Variants in DCDC2 observed in about 807,000 individuals in gnomAD.
DCDC2 encodes the protein doublecortin domain-containing protein 2.
DCDC2 carries 40 observed loss-of-function variants against 50.2 expected under a neutral mutation model. The observed-to-expected ratio is 0.80, with a 90% CI of 0.62 to 1.04. The LOEUF (loss-of-function observed/expected upper bound fraction) is 1.04. Ranked by LOEUF, DCDC2 falls within the 50% of genes least tolerant of loss-of-function variation. DCDC2 has a pLI of 0.00. For synonymous variants in DCDC2, 234 were observed against 210.6 expected (o/e 1.11, Z -0.96); for missense variants, 570 against 581.9 (o/e 0.98, Z 0.21).
chr6:24,285,901 T>C (rs1763596368), intron 6 of DCDC2, among the ~76,000 whole-genome samples: 1 of 152,178 alleles, frequency 6.6e-6, no homozygotes, highest in South Asian at 2.1e-4. Context: ...TCTGTAATCA[T>C]TCCTCTAGCT....
chr6:24,191,596 A>G lies in DCDC2; in HGVS notation c.1024-12964T>C, dbSNP rs147835481. ...ATACAGATGTTGTTAGCCCGGTGCC[A>G]GCCAAAGAAGATTCCCTCATAGAAA... On this transcript the variant is annotated intron_variant, in intron 8 of 9. Transcript: ENST00000378454. Among the ~76,000 whole-genome samples the G allele has an allele frequency of 4.7e-4, 71 of 152,316 alleles. No individual in the cohort carries two copies. The East Asian group carries it at 0.013, about 29-fold the overall frequency.
At chr6:24,273,009 T>TACACACAC (rs60162257) in intron 7 of DCDC2, among the ~76,000 whole-genome samples, 1 of 149,364 alleles carries the variant, frequency 6.7e-6, no homozygotes, top group African/African-American at 2.5e-5. Context: ...TATAAAGACA[T>TACACACAC]ACACACACAC....
intron 7 of DCDC2, among the ~76,000 whole-genome samples, chr6:24,250,492 A>G (rs917240409): frequency 1.3e-5 from 2 of 152,234 alleles, no homozygotes; most frequent in Non-Finnish European, 2.9e-5. Context: ...GCAATGAAAA[A>G]TATGTTCTGA....
intron 2 of DCDC2, among the ~76,000 whole-genome samples, chr6:24,330,993 CAA>C (rs1759955146): frequency 1.3e-5 from 2 of 151,808 alleles, no homozygotes; most frequent in African/African-American, 4.8e-5. Context: ...AAAAAGAAGG[CAA>C]AAAAATGAAG....
intron 8 of DCDC2, among the ~76,000 whole-genome samples, 173 bp from the exon 9 acceptor site, chr6:24,178,805 CAT>C (rs1325988690): frequency 2.0e-5 from 3 of 152,290 alleles, no homozygotes; most frequent in East Asian, 1.9e-4. Flanking sequence ...CCACATGCCA[CAT>C]GTTACAAGCA....
intron 2 of DCDC2, among the ~76,000 whole-genome samples, chr6:24,349,457 G>C (rs1264999811): frequency 1.3e-5 from 2 of 152,178 alleles, no homozygotes; most frequent in Non-Finnish European, 2.9e-5. Context: ...ATTCAGTAAA[G>C]CAGAAGGGTA....
chr6:24,308,963 G>T (rs557415008), intron 2 of DCDC2, among the ~76,000 whole-genome samples: 2 of 151,988 alleles, frequency 1.3e-5, no homozygotes, highest in African/African-American at 4.8e-5. Context: ...CTTCAAACAC[G>T]GAAAATAATA....
rs1290113127 is a variant in DCDC2 at position 24,291,480 on chromosome 6, T to C, written c.558-402A>G. 7.4e-4 allele frequency among the ~76,000 whole-genome samples: 5 copies of C among 6,802 alleles called. No homozygotes were observed. The South Asian group carries it at 0.036, about 49-fold the overall frequency. The allele number at this position is 6,802 out of a possible 152,430, so 4.5% of individuals were successfully genotyped here. On this transcript the variant is annotated intron_variant, in intron 4 of 9. Transcript: ENST00000378454. The stretch of plus-strand genomic sequence containing the variant: ...TTCTATTTATATTTTGTTAATACTT[T>C]TTTTTTTTTTTTTTTTTTTTTTTGA...
intron 2 of DCDC2, among the ~76,000 whole-genome samples, chr6:24,315,613 G>T (rs1307726479): frequency 2.0e-5 from 3 of 152,074 alleles, no homozygotes; most frequent in African/African-American, 7.2e-5. Context: ...ATAACAGAGA[G>T]GGTTAGTGAT....
chr6:24,293,465 G>C (rs1561762267), intron 4 of DCDC2, among the ~76,000 whole-genome samples: 1 of 152,086 alleles, frequency 6.6e-6, no homozygotes, highest in Non-Finnish European at 1.5e-5. Flanking sequence ...TCTCATATCT[G>C]CCATTACATT....
At chr6:24,227,651 G>A (rs1762258981) in intron 7 of DCDC2, among the ~76,000 whole-genome samples, 1 of 152,092 alleles carries the variant, frequency 6.6e-6, no homozygotes, top group African/African-American at 2.4e-5. Context: ...AATTATTCCT[G>A]GCAACTCTTT....
chr6:24,322,065 GTAA>G (rs1439512664), intron 2 of DCDC2, among the ~76,000 whole-genome samples: 5 of 152,158 alleles, frequency 3.3e-5, no homozygotes, highest in African/African-American at 1.2e-4. Flanking sequence ...TAACGCTTGT[GTAA>G]TAATAACACT....
At chr6:24,358,900 A>ATATATTG (rs1561788489), upstream of DCDC2, among the ~76,000 whole-genome samples, 1 of 13,414 alleles carries the variant, frequency 7.5e-5, no homozygotes, top group African/African-American at 5.8e-4. Flanking sequence ...TATATATATA[A>ATATATTG]TATATTATAT....
chr6:24,350,997 A>G (rs1760359672), intron 2 of DCDC2, among the ~76,000 whole-genome samples: 1 of 152,154 alleles, frequency 6.6e-6, no homozygotes, highest in African/African-American at 2.4e-5. Flanking sequence ...TGGGAAAGAG[A>G]AAGGTAGTTT....
chr6:24,211,281 T>G (rs994598624), intron 7 of DCDC2, among the ~76,000 whole-genome samples: 1 of 152,194 alleles, frequency 6.6e-6, no homozygotes, highest in African/African-American at 2.4e-5. Flanking sequence ...CTGGCTACAC[T>G]TGGCAGTATA....
At chr6:24,358,978 A>G (rs1760567486), upstream of DCDC2, among the ~76,000 whole-genome samples, 1 of 69,086 alleles carries the variant, frequency 1.4e-5, no homozygotes, top group African/African-American at 6.8e-5. Context: ...TATATTTTAT[A>G]CATTATATAT....
At chr6:24,339,623 A>G (rs1339921602) in intron 2 of DCDC2, among the ~76,000 whole-genome samples, 2 of 152,172 alleles carry the variant, frequency 1.3e-5, no homozygotes, top group Non-Finnish European at 2.9e-5. Context: ...CTCTTCTCCA[A>G]TTGCTGCCAA....
At chr6:24,257,724 C>T (rs1581615649) in intron 7 of DCDC2, among the ~76,000 whole-genome samples, 1 of 150,218 alleles carries the variant, frequency 6.7e-6, no homozygotes, top group Non-Finnish European at 1.5e-5. Context: ...ATGAAAGTGA[C>T]AAGCTTCTAA....
chr6:24,216,603 C>G (rs536855285), intron 7 of DCDC2, among the ~76,000 whole-genome samples: 1 of 152,228 alleles, frequency 6.6e-6, no homozygotes, highest in Non-Finnish European at 1.5e-5. Context: ...AATTCAGAGG[C>G]CTGAGGCCAT....
Sources: gnomAD v4.1 joint callset for allele counts (sites outside exome capture counted in the v4.1 genomes callset) on GRCh38, gnomAD v4.1.1 for gene constraint, MANE v1.5 for transcripts, NCBI Gene and HGNC (gene_info 2026-07-23, HGNC 2026-07-21) for gene names.